Variants in NKAPD1 observed in about 807,000 individuals in gnomAD.
NKAPD1 encodes uncharacterized protein NKAPD1.
In NKAPD1, 12 loss-of-function variants were observed where a neutral mutation model predicts 30.9. That is an observed-to-expected ratio of 0.39 (90% CI 0.25 to 0.63). The LOEUF is 0.63. Among genes scored for constraint, NKAPD1 ranks in the 20% least tolerant of loss-of-function variants. The probability of loss-of-function intolerance (pLI) is 0.51; values close to 1 mark genes in which losing one functional copy is unlikely to be tolerated. For missense variants in NKAPD1, 311 were observed against 344.5 expected, an observed-to-expected ratio of 0.90 and a Z score of 0.77; for synonymous variants, 91 against 113.6, an observed-to-expected ratio of 0.80 and a Z score of 1.26.
Position 112,074,361 on chromosome 11 carries a change from A to G in NKAPD1, c.-564A>G. 2 of 398,998 alleles carry G rather than the reference A, an allele frequency of 5.0e-6. No homozygotes were observed. The highest frequency in any genetic ancestry group is 4.4e-5 in the Admixed American group (1 of 22,732). The allele number at this position is 398,998 out of a possible 1,614,324, so 24.7% of individuals were successfully genotyped here. The stretch of plus-strand genomic sequence containing the variant: ...GCCACGCGAGGCTGCGGCGCACGGT[A>G]TGGGTGTGTTTGTGTGTATTTGTGT... On this transcript the variant is annotated 5_prime_UTR_variant, in exon 1 of 6. The change abolishes an upstream ATG in the 5' untranslated region. Transcript: ENST00000393047.
intron 5 of NKAPD1, 30 bp downstream of exon 5, chr11:112,082,065 T>C (rs553891697): frequency 1.3e-6 from 2 of 1,536,138 alleles, no homozygotes; most frequent in South Asian, 1.1e-5. Flanking sequence ...TGAAAGAAAC[T>C]AAGATGGTAC....
intron 3 of NKAPD1, among the ~76,000 whole-genome samples, 198 bp from the exon 4 acceptor site, chr11:112,080,211 T>A (rs1055603253): frequency 6.6e-6 from 1 of 151,958 alleles, no homozygotes; most frequent in African/African-American, 2.4e-5. Flanking sequence ...CTAGGCCTGG[T>A]CAGATTTCTT....
rs1566677678 is a variant in NKAPD1 at position 112,082,620 on chromosome 11, C to T, written c.530C>T (p.Ala177Val). ...AAACAGAAGAAAAGCAAAAAGGAAGCCACAGATATAACAGCAGATTCCTCG... is the reference window on the plus strand; with the variant it reads ...AAACAGAAGAAAAGCAAAAAGGAAGTCACAGATATAACAGCAGATTCCTCG... The part of the protein sequence containing the change: ...HKKQKKSKKE[A>V]TDITADSSSE... Residue 177 changes from alanine (A) to valine (V), a missense_variant, in exon 6 of 6, where the codon GCC becomes GTC. By Grantham distance (64) the Ala-to-Val change is moderately conservative (BLOSUM62 0). Transcript: ENST00000393047. 1.9e-6 allele frequency: 3 copies of T among 1,613,208 alleles called. No individual in the cohort carries two copies. The highest frequency in any genetic ancestry group is 1.7e-6 in the Non-Finnish European group (2 of 1,179,886).
At position 112,082,482 on chromosome 11, in the gene NKAPD1, T is replaced by C. The variant is rs1421965791; in HGVS notation, c.392T>C (p.Ile131Thr). The change falls in exon 6 of 6, where the codon ATT becomes ACT. Residue 131 changes from isoleucine (I) to threonine (T), a missense_variant. Coordinates refer to ENST00000393047, the MANE Select transcript of NKAPD1 (RefSeq NM_018195.4). ...CTTATTAGTAGTGATCAGCAAGATA[T>C]TACCAACGGGAAGAAAACATCTCCC... ...FETDSSDQQD[I>T]TNGKKTSPQV... is the part of the protein sequence containing the mutation. 3 of 1,583,548 alleles carry C rather than the reference T, an allele frequency of 1.9e-6. No homozygotes were observed. Among genetic ancestry groups the C allele is most frequent in the East Asian group, 2.2e-5 (1 of 44,716 alleles).
At position 112,084,248 on chromosome 11, in the gene NKAPD1, A is replaced by C. The variant is rs1865526651; in HGVS notation, c.*1276A>C. 1 of 152,756 alleles carries C rather than the reference A, an allele frequency of 6.5e-6. No individual in the cohort carries two copies. 9.5% of individuals were successfully genotyped at this position (152,756 alleles called of 1,614,324 possible). A position where few individuals can be genotyped will look rare whatever the true frequency, so the allele number is the denominator to read the frequency against. Reference sequence around the variant, plus strand: ...TAATACGGAATTACTTCACAGTAGCATGACAGTATAAGACACCAGCAGTAG... The same window carrying C: ...TAATACGGAATTACTTCACAGTAGCCTGACAGTATAAGACACCAGCAGTAG... On this transcript the variant is annotated 3_prime_UTR_variant, in exon 6 of 6. Transcript: ENST00000393047.
rs1453746932 is a variant in NKAPD1 at position 112,077,679 on chromosome 11, C to T, written c.70-536C>T. Among the ~76,000 whole-genome samples the T allele has an allele frequency of 2.0e-5, 3 of 152,206 alleles. No homozygotes were observed. In the East Asian group the frequency reaches 5.8e-4, roughly 29 times the overall value. ...GATAAGGTGATGTTTGTCTGTGCAG[C>T]GGTTTAAAAATTCTATTGGGGAAGA... On this transcript the variant is annotated intron_variant, in intron 2 of 5. Transcript: ENST00000393047.
Position 112,082,819 on chromosome 11 carries a change from G to A in NKAPD1, c.729G>A (p.Glu243=), listed in dbSNP as rs759165974. The A allele has an allele frequency of 3.1e-6, 5 of 1,613,748 alleles. No homozygotes were observed. The highest frequency in any genetic ancestry group is 2.2e-5 in the East Asian group (1 of 44,900). Residue 243 remains glutamate (E), a synonymous_variant, in exon 6 of 6, where the codon GAG becomes GAA. Transcript: ENST00000393047. ...CATCCAGCAGTTCTGAGGAAAGTGA[G>A]GAAAGAGACACTAAGAAAACCAAAA... The part of the protein sequence containing the change: ...DSASSSSEES[E]ERDTKKTKRK...
chr11:112,075,399 T>G (rs548060126), intron 1 of NKAPD1, among the ~76,000 whole-genome samples, 168 bp from the exon 2 acceptor site: 1 of 152,372 alleles, frequency 6.6e-6, no homozygotes, highest in African/African-American at 2.4e-5. Flanking sequence ...CATTAGTGTG[T>G]TTAGGCATTT....
At chr11:112,080,677 C>A in intron 4 of NKAPD1, 119 bp downstream of exon 4, 1 of 1,169,296 alleles carries the variant, frequency 8.6e-7, no homozygotes, top group Non-Finnish European at 1.2e-6. Flanking sequence ...TTAATAATGG[C>A]CCCAAAAAAT....
chr11:112,080,360 A>ACT (rs1407118043), intron 3 of NKAPD1, 49 bp from the exon 4 acceptor site: 2 of 1,600,612 alleles, frequency 1.2e-6, no homozygotes, highest in Non-Finnish European at 1.7e-6. Flanking sequence ...CATAAAGTAA[A>ACT]CTCACAGATT....
In NKAPD1 at chr11:112,084,206, C is replaced by G. The variant is rs1000003560; in HGVS notation, c.*1234C>G. ...GAGCAGGTAAGTTCACCTTCCTGGC[C>G]TTACTTTCCTGATGTGTAATACGGA... On this transcript the variant is annotated 3_prime_UTR_variant, in exon 6 of 6. Transcript: ENST00000393047. 1.3e-5 allele frequency: 2 copies of G among 152,596 alleles called. No individual in the cohort carries two copies. Among genetic ancestry groups the G allele is most frequent in the Non-Finnish European group, 1.5e-5 (1 of 68,048 alleles). The allele number at this position is 152,596 out of a possible 1,614,324, so 9.5% of individuals were successfully genotyped here. A position where few individuals can be genotyped will look rare whatever the true frequency, so the allele number is the denominator to read the frequency against.
intron 3 of NKAPD1, among the ~76,000 whole-genome samples, chr11:112,079,834 C>T (rs1005063212): frequency 1.5e-4 from 23 of 149,694 alleles, no homozygotes; most frequent in Non-Finnish European, 2.5e-4. Context: ...TTTCCTGAGA[C>T]GGAGTCTCAC....
chr11:112,074,315 A>T lies in NKAPD1; in HGVS notation c.-610A>T, dbSNP rs961017479. 4 of 398,756 alleles carry T rather than the reference A, an allele frequency of 1.0e-5. No homozygotes were observed. Among genetic ancestry groups the T allele is most frequent in the African/African-American group, 8.2e-5 (4 of 48,492 alleles). The allele number at this position is 398,756 out of a possible 1,614,324, so 24.7% of individuals were successfully genotyped here. A position where few individuals can be genotyped will look rare whatever the true frequency, so the allele number is the denominator to read the frequency against. On this transcript the variant is annotated 5_prime_UTR_variant, in exon 1 of 6. Coordinates refer to ENST00000393047, the MANE Select transcript of NKAPD1 (RefSeq NM_018195.4). ...AGTCTCCTCCTTTTTCTCCCAAACC[A>T]CTTCTTCCCCCCTACCCCCCGCCAC...
intron 2 of NKAPD1, among the ~76,000 whole-genome samples, 181 bp from the exon 3 acceptor site, chr11:112,078,034 C>T (rs112859073): frequency 3.9e-5 from 6 of 152,016 alleles, no homozygotes; most frequent in African/African-American, 1.2e-4. Context: ...TTATTAGAGA[C>T]GGGGTTTCAC....
chr11:112,082,854 G>C lies in NKAPD1; in HGVS notation c.764G>C (p.Arg255Thr). Residue 255 changes from arginine (R) to threonine (T), a missense_variant, in exon 6 of 6, where the codon AGA (arginine) becomes ACA (threonine). Physicochemically the swap from Arg to Thr is moderately conservative, Grantham distance 71. Coordinates refer to ENST00000393047, the MANE Select transcript of NKAPD1 (RefSeq NM_018195.4). ...RDTKKTKRKK[R>T]EKKAHTSVAN... The stretch of plus-strand genomic sequence containing the variant: ...ACTAAGAAAACCAAAAGGAAAAAGA[G>C]AGAGAAAAAAGCCCATACCTCTGTA... The C allele has an allele frequency of 6.2e-7, 1 of 1,613,882 alleles. No homozygotes were observed. Among genetic ancestry groups the C allele is most frequent in the Admixed American group, 1.7e-5 (1 of 59,936 alleles).
chr11:112,075,951 G>C (rs1042872103), intron 2 of NKAPD1, among the ~76,000 whole-genome samples: 12 of 152,176 alleles, frequency 7.9e-5, no homozygotes, highest in African/African-American at 2.9e-4. Context: ...CTTTGAACTG[G>C]TTCTTGAATA....
At chr11:112,078,353 C>CT in intron 3 of NKAPD1, 38 bp downstream of exon 3, 2 of 1,453,114 alleles carry the variant, frequency 1.4e-6, no homozygotes, top group Non-Finnish European at 1.9e-6. Context: ...TAATTCTCAT[C>CT]TTTTTCAGAA....
chr11:112,078,339 A>G (rs1295193865), intron 3 of NKAPD1, 24 bp downstream of exon 3: 5 of 1,514,922 alleles, frequency 3.3e-6, no homozygotes, highest in South Asian at 1.2e-5. Context: ...TCTGAGAACT[A>G]AAATAATTCT....
chr11:112,082,419 C>CT lies in NKAPD1; in HGVS notation c.375-37dup, dbSNP rs201212932. 5,491 of 1,375,664 alleles carry CT rather than the reference C, an allele frequency of 4.0e-3. 35 individuals are homozygous for CT. Among genetic ancestry groups the CT allele is most frequent in the African/African-American group, 0.031 (2,061 of 66,800 alleles). 85.2% of individuals were successfully genotyped at this position (1,375,664 alleles called of 1,614,324 possible). Reference sequence around the variant, plus strand: ...GAATGCAAAATATTAAAATAATACGCTTTTTTTTTACATAAAAGCTTCTAT... The same window carrying CT: ...GAATGCAAAATATTAAAATAATACGCTTTTTTTTTTACATAAAAGCTTCTAT... On this transcript the variant is annotated intron_variant, in intron 5 of 5. Transcript: ENST00000393047.
Sources: allele counts gnomAD v4.1 joint callset (sites outside exome capture counted in the v4.1 genomes callset), GRCh38; gene constraint gnomAD v4.1.1; transcripts MANE v1.5; gene names NCBI Gene and HGNC (gene_info 2026-07-23, HGNC 2026-07-21).